The following DIP2C variants were observed in gnomAD, a reference collection of about 807,000 sequenced individuals.
The protein encoded by DIP2C is DIP2 acetate--CoA ligase C (putative).
DIP2C carries 33 observed loss-of-function variants against 192.4 expected under a neutral mutation model. That is an observed-to-expected ratio of 0.17 (90% CI 0.13 to 0.23). The LOEUF is 0.23. DIP2C is among the 10% of genes least tolerant of loss of function. DIP2C has a pLI of 1.00. For synonymous variants in DIP2C, 979 were observed against 864.1 expected (o/e 1.13, Z -2.33); for missense variants, 1,537 against 2,110.1 (o/e 0.73, Z 5.32).
intron 9 of DIP2C, among the ~76,000 whole-genome samples, chr10:406,573 A>G (rs943988886): frequency 6.6e-6 from 1 of 152,140 alleles, no homozygotes; most frequent in Non-Finnish European, 1.5e-5. Context: ...CCCTTGTTCA[A>G]TCCTGGGTGG....
At position 688,835 on chromosome 10, in the gene DIP2C, G is replaced by A. The variant is rs528739086; in HGVS notation, c.85+659C>T. Among the ~76,000 whole-genome samples, 64 of 152,318 alleles carry A rather than the reference G, an allele frequency of 4.2e-4. No homozygotes were observed. The East Asian group carries it at 0.01, about 25-fold the overall frequency. On this transcript the variant is annotated intron_variant, in intron 1 of 36. Coordinates refer to ENST00000280886, the MANE Select transcript of DIP2C (RefSeq NM_014974.3). ...GGACGGCAAGGCCGGAGCCCGGCCC[G>A]GGGGGAGGTTGACGATTCCGCCCAG...
chr10:579,103 T>C lies in DIP2C; in HGVS notation c.86-92573A>G, dbSNP rs563558200. Among the ~76,000 whole-genome samples, 5 of 152,170 alleles carry C rather than the reference T, an allele frequency of 3.3e-5. No individual in the cohort carries two copies. The South Asian group carries it at 1.0e-3, about 32-fold the overall frequency. On this transcript the variant is annotated intron_variant, in intron 1 of 36. Transcript: ENST00000280886. ...GAGCATACACACATGCAGATCCATG[T>C]AGTGTAGGTACATAGGTACACTAAC...
At position 651,217 on chromosome 10, in the gene DIP2C, C is replaced by T. The variant is rs1299785233; in HGVS notation, c.85+38277G>A. 9 of 717,068 alleles carry T rather than the reference C, an allele frequency of 1.3e-5. No homozygotes were observed. The highest frequency in any genetic ancestry group is 2.1e-5 in the Non-Finnish European group (8 of 385,144). 44.4% of individuals were successfully genotyped at this position (717,068 alleles called of 1,614,324 possible). On this transcript the variant is annotated intron_variant, in intron 1 of 36. Transcript: ENST00000280886. The surrounding 1 kb of genome is among the most constrained non-coding windows in gnomAD (Gnocchi z 4.1). ...GCATATCTACAGACCCTGTCCTCAC[C>T]TGCATCACACCAATGATGGCGTCAC...
intron 36 of DIP2C, among the ~76,000 whole-genome samples, chr10:280,241 C>T (rs1324191708): frequency 6.6e-6 from 1 of 152,208 alleles, no homozygotes; most frequent in African/African-American, 2.4e-5. Flanking sequence ...AAGTACCAGC[C>T]TTTATTGCAT....
chr10:474,943 G>C (rs558777255), intron 2 of DIP2C, among the ~76,000 whole-genome samples: 1 of 151,792 alleles, frequency 6.6e-6, no homozygotes, highest in East Asian at 1.9e-4. Context: ...TTTCTCCCTC[G>C]ATAATCTTTT....
At chr10:500,837 T>C (rs542624226) in intron 1 of DIP2C, among the ~76,000 whole-genome samples, 2 of 152,324 alleles carry the variant, frequency 1.3e-5, no homozygotes, top group South Asian at 2.1e-4. Context: ...TCTCCCCCCA[T>C]AGGTTTCAGG....
At chr10:377,140 A>T (rs142883914) in intron 17 of DIP2C, among the ~76,000 whole-genome samples, 6,523 of 115,822 alleles carry the variant, frequency 0.056, 223 homozygotes, top group Middle Eastern at 0.12. Flanking sequence ...TGTGCAGCGC[A>T]GTTTTTTTTT....
chr10:593,229 G>GATC (rs1289453292), intron 1 of DIP2C, among the ~76,000 whole-genome samples: 1 of 152,076 alleles, frequency 6.6e-6, no homozygotes, highest in Non-Finnish European at 1.5e-5. Context: ...TCCCCCCGGG[G>GATC]TGGTCTCATC....
chr10:516,077 G>A (rs368450153), intron 1 of DIP2C, among the ~76,000 whole-genome samples: 29 of 151,110 alleles, frequency 1.9e-4, no homozygotes, highest in East Asian at 1.4e-3. Context: ...CACGACGAGA[G>A]GAAACGAGGG....
chr10:679,063 C>T (rs1274004226), intron 1 of DIP2C, among the ~76,000 whole-genome samples: 1 of 17,424 alleles, frequency 5.7e-5, no homozygotes. Flanking sequence ...CCGTCCTCCC[C>T]GCGCCCATGC....
intron 3 of DIP2C, among the ~76,000 whole-genome samples, chr10:466,234 A>G (rs1023222127): frequency 6.6e-6 from 1 of 152,010 alleles, no homozygotes; most frequent in Non-Finnish European, 1.5e-5. Context: ...AAATAATGCC[A>G]CATACCTACA....
intron 22 of DIP2C, among the ~76,000 whole-genome samples, chr10:362,273 C>CA (rs1959632426): frequency 6.6e-6 from 1 of 152,182 alleles, no homozygotes; most frequent in Admixed American, 6.6e-5. Flanking sequence ...ACCACACTAA[C>CA]ACCCCTGAGC....
At chr10:580,295 GCGTA>G (rs1477635456) in intron 1 of DIP2C, among the ~76,000 whole-genome samples, 1 of 152,128 alleles carries the variant, frequency 6.6e-6, no homozygotes. Flanking sequence ...TATGCAGCAT[GCGTA>G]CATTAGTGTG....
chr10:657,110 C>T (rs12772040), intron 1 of DIP2C, among the ~76,000 whole-genome samples: 147,381 of 150,596 alleles, frequency 0.98, 72,151 homozygotes, highest in Non-Finnish European at 1. Context: ...GACCTGCCCC[C>T]GGACCTGCCG....
chr10:476,178 A>G (rs1175656947), intron 2 of DIP2C, among the ~76,000 whole-genome samples: 1 of 152,062 alleles, frequency 6.6e-6, no homozygotes, highest in African/African-American at 2.4e-5. Context: ...CACACTCAAG[A>G]GTCTGGAGAA....
chr10:579,909 G>A (rs1301600257), intron 1 of DIP2C, among the ~76,000 whole-genome samples: 4 of 151,884 alleles, frequency 2.6e-5, no homozygotes, highest in Admixed American at 6.6e-5. Context: ...CAATCTATAT[G>A]CATACAATGT....
At chr10:670,418 G>A (rs1184481892) in intron 1 of DIP2C, among the ~76,000 whole-genome samples, 3 of 152,174 alleles carry the variant, frequency 2.0e-5, no homozygotes, top group African/African-American at 7.2e-5. Flanking sequence ...TCTCAGGTAC[G>A]TGGATTCAAA....
intron 3 of DIP2C, among the ~76,000 whole-genome samples, chr10:470,143 AATGG>A (rs1455117556): frequency 3.3e-5 from 5 of 152,136 alleles, no homozygotes; most frequent in East Asian, 1.9e-4. Context: ...GAGGTTGATA[AATGG>A]ATGGATGATT....
At chr10:454,730 G>A (rs1175065065) in intron 3 of DIP2C, among the ~76,000 whole-genome samples, 1 of 151,874 alleles carries the variant, frequency 6.6e-6, no homozygotes. Context: ...CTCAGAGAAA[G>A]AGGTAGTATA....
Sources: allele counts gnomAD v4.1 joint callset (sites outside exome capture counted in the v4.1 genomes callset), GRCh38; gene constraint gnomAD v4.1.1; non-coding constraint Gnocchi (gnomAD v3.1); transcripts MANE v1.5; gene names NCBI Gene and HGNC (gene_info 2026-07-23, HGNC 2026-07-21).